The following SERINC5 variants were observed in gnomAD, a reference collection of about 807,000 sequenced individuals.
The protein encoded by SERINC5 is chromosome 5 open reading frame 12.
SERINC5 carries 41 observed loss-of-function variants against 63.1 expected under a neutral mutation model. The ratio of observed to expected loss-of-function variants is 0.65; its 90% CI spans 0.51 to 0.84. The LOEUF is 0.84. SERINC5 is among the 40% of genes least tolerant of loss of function. The pLI, the probability that SERINC5 is intolerant of heterozygous loss-of-function variation, is 0.00. For synonymous variants in SERINC5, 222 were observed against 215.2 expected, an observed-to-expected ratio of 1.03 and a Z score of -0.28; for missense variants, 523 against 573.0, an observed-to-expected ratio of 0.91 and a Z score of 0.89.
At chr5:80,238,297 G>A (rs1379049352) in intron 1 of SERINC5, among the ~76,000 whole-genome samples, 1 of 151,920 alleles carries the variant, frequency 6.6e-6, no homozygotes, top group African/African-American at 2.4e-5. Flanking sequence ...CCCTTACTCA[G>A]CAACCTGCAA....
intron 1 of SERINC5, among the ~76,000 whole-genome samples, chr5:80,220,017 G>A (rs1173413611): frequency 6.6e-6 from 1 of 151,980 alleles, no homozygotes; most frequent in South Asian, 2.1e-4. Flanking sequence ...AGACCAGCCT[G>A]GCCAACATGG....
At chr5:80,137,852 G>T (rs1335769844), downstream of SERINC5, among the ~76,000 whole-genome samples, 1 of 151,902 alleles carries the variant, frequency 6.6e-6, no homozygotes. Flanking sequence ...GAGGCAGGAG[G>T]ATTGCTTGAG....
chr5:80,233,257 C>A (rs1561445752), intron 1 of SERINC5, among the ~76,000 whole-genome samples: 1 of 152,144 alleles, frequency 6.6e-6, no homozygotes, highest in South Asian at 2.1e-4. Context: ...GAAACCCTAT[C>A]TCTACTAAAA....
rs144638743 is a variant in SERINC5 at position 80,211,288 on chromosome 5, G to T, written c.28-8235C>A. ...ATTTTACAAAATCCCTTACCAGCAG[G>T]ATTCCACAAAGCCCCTGACTCTGAC... On this transcript the variant is annotated intron_variant, in intron 1 of 11. Coordinates refer to ENST00000507668, the MANE Select transcript of SERINC5 (RefSeq NM_001174072.3). Among the ~76,000 whole-genome samples, 87 of 152,242 alleles carry T rather than the reference G, an allele frequency of 5.7e-4. 1 individual carries two copies. The highest frequency in any genetic ancestry group is 2.0e-3 in the African/African-American group (81 of 41,524).
intron 2 of SERINC5, among the ~76,000 whole-genome samples, chr5:80,199,497 C>T (rs1369746205): frequency 6.6e-6 from 1 of 152,198 alleles, no homozygotes; most frequent in South Asian, 2.1e-4. Flanking sequence ...CCTAGCAACA[C>T]CAGTGGAACA....
At chr5:80,126,862 A>T (rs934972558) in intron 11 of SERINC5, among the ~76,000 whole-genome samples, 2 of 152,164 alleles carry the variant, frequency 1.3e-5, no homozygotes, top group South Asian at 4.1e-4. Flanking sequence ...CCAAAGTGAT[A>T]GGATTACAGG....
chr5:80,143,248 T>C lies in SERINC5; in HGVS notation c.*415A>G. On this transcript the variant is annotated 3_prime_UTR_variant, in exon 12 of 12. Coordinates refer to ENST00000507668, the MANE Select transcript of SERINC5 (RefSeq NM_001174072.3). Reference sequence around the variant, plus strand: ...GAGGCGGAAGTGAGTGAGAGGGGTCTGGATTCTGTTAGGCGCTGGGGACTC... The same window carrying C: ...GAGGCGGAAGTGAGTGAGAGGGGTCCGGATTCTGTTAGGCGCTGGGGACTC... 1 of 994,174 alleles carries C rather than the reference T, an allele frequency of 1.0e-6. No homozygotes were observed. The highest frequency in any genetic ancestry group is 1.2e-6 in the Non-Finnish European group (1 of 835,444). The allele number at this position is 994,174 out of a possible 1,614,324, so 61.6% of individuals were successfully genotyped here. A position where few individuals can be genotyped will look rare whatever the true frequency, so the allele number is the denominator to read the frequency against.
chr5:80,141,977 GAATTTCACT>G lies in SERINC5; in HGVS notation c.*1677_*1685del, dbSNP rs1239386427. The G allele has an allele frequency of 3.2e-5, 32 of 985,244 alleles. No individual in the cohort carries two copies. Among genetic ancestry groups the G allele is most frequent in the Non-Finnish European group, 3.7e-5 (31 of 829,924 alleles). 61.0% of individuals were successfully genotyped at this position (985,244 alleles called of 1,614,324 possible). ...AGAAGGGCAAAGGAATGAATAGAAA[GAATTTCACT>G]AATTTCACCCACCAGCATTTTGGCA... On this transcript the variant is annotated 3_prime_UTR_variant, in exon 12 of 12. Transcript: ENST00000507668.
rs536899160 is a variant in SERINC5, at chr5:80,163,132, GATGTGAGCCA to G, written c.859+3241_859+3250del. The stretch of plus-strand genomic sequence containing the variant: ...GCCCTCCCAAAGTGCTGGGATTACA[GATGTGAGCCA>G]ATGCACCCAGCCAAAACACTACTAA... On this transcript the variant is annotated intron_variant, in intron 7 of 11. Coordinates refer to ENST00000507668, the MANE Select transcript of SERINC5 (RefSeq NM_001174072.3). Among the ~76,000 whole-genome samples, 6 of 151,842 alleles carry G rather than the reference GATGTGAGCCA, an allele frequency of 4.0e-5. No homozygotes were observed. The South Asian group carries it at 1.3e-3, about 32-fold the overall frequency.
intron 1 of SERINC5, among the ~76,000 whole-genome samples, chr5:80,250,623 G>C (rs897642514): frequency 6.6e-6 from 1 of 152,198 alleles, no homozygotes; most frequent in African/African-American, 2.4e-5. Flanking sequence ...ACCATGCCCG[G>C]CCTGGAATCA....
chr5:80,209,473 C>T (rs1033593837), intron 1 of SERINC5, among the ~76,000 whole-genome samples: 10 of 152,304 alleles, frequency 6.6e-5, no homozygotes, highest in Middle Eastern at 3.4e-3. Context: ...AAGTGAGAAG[C>T]TGAATTTCTG....
At chr5:80,116,566 G>A (rs947574182) in intron 11 of SERINC5, among the ~76,000 whole-genome samples, 7 of 152,048 alleles carry the variant, frequency 4.6e-5, no homozygotes, top group Admixed American at 1.3e-4. Flanking sequence ...TCTCCTCAGT[G>A]GGAAGAAGCT....
At position 80,143,550 on chromosome 5, in the gene SERINC5, C is replaced by T; in HGVS notation, c.*113G>A. 3 of 1,357,390 alleles carry T rather than the reference C, an allele frequency of 2.2e-6. No homozygotes were observed. Among genetic ancestry groups the T allele is most frequent in the Non-Finnish European group, 2.8e-6 (3 of 1,056,112 alleles). 84.1% of individuals were successfully genotyped at this position (1,357,390 alleles called of 1,614,324 possible). ...AGATTTTTTTTTTTCTCTCTCAAAG[C>T]TTTTTCAGACCCACTCAGGCACAGG... On this transcript the variant is annotated 3_prime_UTR_variant, in exon 12 of 12. Coordinates refer to ENST00000507668, the MANE Select transcript of SERINC5 (RefSeq NM_001174072.3).
intron 2 of SERINC5, among the ~76,000 whole-genome samples, chr5:80,187,398 C>T (rs1194552270): frequency 1.3e-5 from 2 of 152,132 alleles, no homozygotes; most frequent in Non-Finnish European, 2.9e-5. Context: ...TGATATTCCA[C>T]TCATCTTCAA....
intron 2 of SERINC5, among the ~76,000 whole-genome samples, chr5:80,189,858 C>A (rs1400114418): frequency 6.6e-6 from 1 of 152,058 alleles, no homozygotes; most frequent in Non-Finnish European, 1.5e-5. Flanking sequence ...ACTAGAGGTG[C>A]ATGCCAACAC....
chr5:80,187,290 A>C (rs1748868671), intron 2 of SERINC5, among the ~76,000 whole-genome samples: 1 of 152,236 alleles, frequency 6.6e-6, no homozygotes, highest in South Asian at 2.1e-4. Context: ...AGGTTCACAA[A>C]AACTAGAAGA....
At chr5:80,117,312 G>A (rs1292407577) in intron 11 of SERINC5, among the ~76,000 whole-genome samples, 1 of 152,078 alleles carries the variant, frequency 6.6e-6, no homozygotes, top group Non-Finnish European at 1.5e-5. Flanking sequence ...TTCCTCATTT[G>A]TAAAATAGGC....
intron 2 of SERINC5, among the ~76,000 whole-genome samples, chr5:80,183,191 C>T (rs1748566237): frequency 6.6e-6 from 1 of 152,154 alleles, no homozygotes; most frequent in Non-Finnish European, 1.5e-5. Flanking sequence ...GCAGGTAGAG[C>T]TCACAATTGG....
intron 1 of SERINC5, among the ~76,000 whole-genome samples, chr5:80,227,977 T>G (rs775784909): frequency 1.3e-5 from 2 of 151,412 alleles, no homozygotes; most frequent in East Asian, 1.9e-4. Context: ...ATCCCAGCAC[T>G]TTGAGAGGCC....
Sources: allele counts gnomAD v4.1 joint callset (sites outside exome capture counted in the v4.1 genomes callset), GRCh38; gene constraint gnomAD v4.1.1; transcripts MANE v1.5; gene names NCBI Gene and HGNC (gene_info 2026-07-23, HGNC 2026-07-21).